Variants in MYO1D observed in about 807,000 individuals in gnomAD.
The protein encoded by MYO1D is myosin ID, also known as unconventional myosin-Id.
Under a neutral mutation model 122.0 loss-of-function variants are expected in MYO1D, and 83 were observed. That is an observed-to-expected ratio of 0.68 (90% CI 0.57 to 0.82). MYO1D has a LOEUF of 0.82. MYO1D is among the 40% of genes least tolerant of loss of function. The pLI is 0.00. For synonymous variants in MYO1D, 464 were observed against 446.9 expected, an observed-to-expected ratio of 1.04 and a Z score of -0.48; for missense variants, 1,157 against 1,269.5, an observed-to-expected ratio of 0.91 and a Z score of 1.35.
chr17:32,780,177 A>G (rs1315091361), intron 2 of MYO1D, among the ~76,000 whole-genome samples: 1 of 152,108 alleles, frequency 6.6e-6, no homozygotes, highest in Non-Finnish European at 1.5e-5. Flanking sequence ...CCTCAACACT[A>G]GTTCCCAAGC....
intron 1 of MYO1D, among the ~76,000 whole-genome samples, chr17:32,786,209 C>G (rs570456146): frequency 1.1e-4 from 17 of 152,160 alleles, no homozygotes; most frequent in Admixed American, 6.5e-4. Context: ...TTTGACACTT[C>G]TAAGTATATG....
chr17:32,676,021 A>G (rs555276414), intron 16 of MYO1D, among the ~76,000 whole-genome samples: 3 of 152,256 alleles, frequency 2.0e-5, no homozygotes, highest in South Asian at 2.1e-4. Context: ...CAGTTAACCA[A>G]TCCCCTATTG....
chr17:32,526,306 C>G (rs1490026251), intron 21 of MYO1D, among the ~76,000 whole-genome samples: 2 of 152,208 alleles, frequency 1.3e-5, no homozygotes, highest in African/African-American at 4.8e-5. Context: ...AGAACTCCCT[C>G]TCTTCCTTTC....
chr17:32,592,080 C>T (rs4795711), intron 21 of MYO1D, among the ~76,000 whole-genome samples: 71,027 of 151,672 alleles, frequency 0.47, 17,080 homozygotes, highest in Middle Eastern at 0.6. Flanking sequence ...TGTGTTTTCT[C>T]TTTATTATAT....
chr17:32,867,882 T>C (rs1342196566), intron 1 of MYO1D, among the ~76,000 whole-genome samples: 1 of 147,832 alleles, frequency 6.8e-6, no homozygotes, highest in African/African-American at 2.5e-5. Flanking sequence ...ATATAGGGTC[T>C]ATAGATAATG....
At chr17:32,763,134 T>C (rs1386567622) in intron 8 of MYO1D, among the ~76,000 whole-genome samples, 1 of 150,792 alleles carries the variant, frequency 6.6e-6, no homozygotes, top group East Asian at 1.9e-4. Flanking sequence ...TGCAGTGAGC[T>C]GAGATTGTGC....
intron 16 of MYO1D, among the ~76,000 whole-genome samples, chr17:32,703,028 G>C (rs191252426): frequency 3.2e-4 from 49 of 152,256 alleles, no homozygotes; most frequent in African/African-American, 1.2e-3. Flanking sequence ...AAAATGATTA[G>C]AGTCTTAAGA....
chr17:32,811,788 A>G (rs1208299389), intron 1 of MYO1D, among the ~76,000 whole-genome samples: 1 of 151,922 alleles, frequency 6.6e-6, no homozygotes, highest in Non-Finnish European at 1.5e-5. Context: ...GTCATTGATG[A>G]GATTAGGAAG....
chr17:32,865,014 T>C lies in MYO1D; in HGVS notation c.95+11764A>G, dbSNP rs188512583. Among the ~76,000 whole-genome samples the C allele has an allele frequency of 2.3e-3, 352 of 152,328 alleles. 2 individuals carry two copies. The highest frequency in any genetic ancestry group is 3.5e-3 in the Non-Finnish European group (235 of 68,034). ...AATTGTTTATAGGTTTTTGTCTTAA[T>C]AAGACGGAACACGGGATAAGATGGC... is the stretch of plus-strand genomic sequence containing the variant. On this transcript the variant is annotated intron_variant, in intron 1 of 21. Coordinates refer to ENST00000318217, the MANE Select transcript of MYO1D (RefSeq NM_015194.3).
chr17:32,699,616 C>G (rs2089220305), intron 16 of MYO1D, among the ~76,000 whole-genome samples: 1 of 152,074 alleles, frequency 6.6e-6, no homozygotes, highest in South Asian at 2.1e-4. Flanking sequence ...TCTATAAAGT[C>G]CTTATCTGTA....
At chr17:32,717,390 C>T (rs2089461700) in intron 15 of MYO1D, among the ~76,000 whole-genome samples, 1 of 152,184 alleles carries the variant, frequency 6.6e-6, no homozygotes, top group Non-Finnish European at 1.5e-5. Context: ...GACTTCTTCC[C>T]CACCCTTACA....
intron 21 of MYO1D, among the ~76,000 whole-genome samples, chr17:32,585,703 A>G (rs936276840): frequency 6.7e-6 from 1 of 149,158 alleles, no homozygotes; most frequent in Non-Finnish European, 1.5e-5. Context: ...GCACTCCAGC[A>G]CTCCAGTCTG....
At chr17:32,562,360 C>CATAATTTCATATTATTTAGAT (rs59094872) in intron 21 of MYO1D, among the ~76,000 whole-genome samples, 1 of 151,936 alleles carries the variant, frequency 6.6e-6, no homozygotes, top group African/African-American at 2.4e-5. Flanking sequence ...TATTTCATTT[C>CATAATTTCATATTATTTAGAT]ATTCTTTAAT....
chr17:32,754,013 C>A (rs1256479171), intron 11 of MYO1D, among the ~76,000 whole-genome samples: 3 of 151,948 alleles, frequency 2.0e-5, no homozygotes, highest in Non-Finnish European at 4.4e-5. Context: ...GATTTGATTT[C>A]TCATGTGAGA....
At chr17:32,869,024 C>G (rs1222574722) in intron 1 of MYO1D, among the ~76,000 whole-genome samples, 1 of 148,366 alleles carries the variant, frequency 6.7e-6, no homozygotes, top group Non-Finnish European at 1.5e-5. Context: ...GCCTGACCAA[C>G]ATAGCAAAAC....
intron 16 of MYO1D, 178 bp from the exon 17 acceptor site, chr17:32,659,516 G>A (rs1471577537): frequency 3.3e-6 from 2 of 612,236 alleles, no homozygotes; most frequent in East Asian, 5.5e-5. Flanking sequence ...GGCGTGGGGA[G>A]TCACATCAGT....
chr17:32,530,047 T>G (rs961872616), intron 21 of MYO1D: 3 of 152,094 alleles, frequency 2.0e-5, no homozygotes, highest in African/African-American at 7.2e-5. Flanking sequence ...TGGAGCTCTG[T>G]GGTAAAAGTA....
At chr17:32,876,203 G>A (rs769241406) in intron 1 of MYO1D, among the ~76,000 whole-genome samples, 4 of 152,174 alleles carry the variant, frequency 2.6e-5, no homozygotes, top group Middle Eastern at 3.4e-3. Flanking sequence ...AAAATAGCCA[G>A]TGTCCCGGAA....
chr17:32,780,512 C>A (rs1203612090), intron 2 of MYO1D, 64 bp downstream of exon 2: 2 of 1,507,238 alleles, frequency 1.3e-6, no homozygotes, highest in Non-Finnish European at 1.8e-6. Context: ...TGTTTGGATT[C>A]TTGAGTATCA....
Sources: gnomAD v4.1 joint callset for allele counts (sites outside exome capture counted in the v4.1 genomes callset) on GRCh38, gnomAD v4.1.1 for gene constraint, MANE v1.5 for transcripts, NCBI Gene and HGNC (gene_info 2026-07-23, HGNC 2026-07-21) for gene names.